DOCK1: variants seen among roughly 807,000 people sequenced by gnomAD.
The protein encoded by DOCK1 is dedicator of cytokinesis protein 1.
DOCK1 carries 138 observed loss-of-function variants against 262.7 expected under a neutral mutation model. That is an observed-to-expected ratio of 0.53 (90% CI 0.46 to 0.61). DOCK1 has a LOEUF of 0.61. DOCK1 is among the 20% of genes least tolerant of loss of function. The pLI, the probability that DOCK1 is intolerant of heterozygous loss-of-function variation, is 0.00. For missense variants in DOCK1, 1,908 were observed against 2,370.7 expected (o/e 0.80, Z 4.05); for synonymous variants, 866 against 867.4 (o/e 1.00, Z 0.03).
At chr10:127,120,018 T>C (rs1363133560) in intron 25 of DOCK1, among the ~76,000 whole-genome samples, 2 of 152,248 alleles carry the variant, frequency 1.3e-5, no homozygotes, top group Non-Finnish European at 2.9e-5. Flanking sequence ...TCTGTAATCA[T>C]TGTGGATCAC....
chr10:127,377,984 G>C (rs572313973), intron 35 of DOCK1, among the ~76,000 whole-genome samples: 2 of 152,000 alleles, frequency 1.3e-5, no homozygotes, highest in Non-Finnish European at 2.9e-5. Flanking sequence ...GACATCTCCT[G>C]CAAGGATGTC....
At chr10:126,998,317 C>G in intron 8 of DOCK1, 68 bp downstream of exon 8, 1 of 1,593,302 alleles carries the variant, frequency 6.3e-7, no homozygotes, top group Non-Finnish European at 8.6e-7. Flanking sequence ...ATCAGAACCA[C>G]TGAAGCGTCC....
intron 29 of DOCK1, chr10:127,272,049 G>A (rs2498946): frequency 0.33 from 49,711 of 152,124 alleles, 8,764 homozygotes; most frequent in South Asian, 0.54. Flanking sequence ...ACTGCAGGAG[G>A]ATGGAGGAAG....
chr10:127,371,293 T>C (rs2065194777), intron 33 of DOCK1, among the ~76,000 whole-genome samples: 2 of 152,262 alleles, frequency 1.3e-5, no homozygotes, highest in South Asian at 4.1e-4. Context: ...CAGGTGTTTG[T>C]GTAAATTACT....
intron 27 of DOCK1, among the ~76,000 whole-genome samples, chr10:127,143,394 C>T (rs921665874): frequency 6.6e-6 from 1 of 152,164 alleles, no homozygotes; most frequent in African/African-American, 2.4e-5. Context: ...CAGTGCTAAC[C>T]GTGGCTCTGT....
chr10:127,129,838 A>G (rs2050201514), intron 27 of DOCK1, among the ~76,000 whole-genome samples: 1 of 152,100 alleles, frequency 6.6e-6, no homozygotes, highest in Admixed American at 6.5e-5. Context: ...GGGAGAGGGT[A>G]GAAGTGGAGG....
intron 43 of DOCK1, among the ~76,000 whole-genome samples, chr10:127,413,273 T>G (rs1440968668): frequency 6.6e-6 from 1 of 152,174 alleles, no homozygotes; most frequent in African/African-American, 2.4e-5. Context: ...TCTTGACATT[T>G]TGAGCTATGC....
At chr10:127,214,053 T>C (rs549728998) in intron 27 of DOCK1, among the ~76,000 whole-genome samples, 1 of 152,180 alleles carries the variant, frequency 6.6e-6, no homozygotes, top group Non-Finnish European at 1.5e-5. Context: ...TTCACTATGT[T>C]AGCCAGGATG....
At chr10:127,116,401 A>G (rs1013732743) in intron 25 of DOCK1, among the ~76,000 whole-genome samples, 1 of 152,180 alleles carries the variant, frequency 6.6e-6, no homozygotes. Context: ...AATGGTGGAA[A>G]CATTAGTTAC....
chr10:127,440,168 TG>T (rs2070005796), intron 49 of DOCK1, among the ~76,000 whole-genome samples: 1 of 73,376 alleles, frequency 1.4e-5, no homozygotes, highest in Non-Finnish European at 2.6e-5. Context: ...GGGTGGGGGG[TG>T]GGGGGTGTGT....
At chr10:127,259,699 G>T (rs1201772904) in intron 29 of DOCK1, among the ~76,000 whole-genome samples, 1 of 152,292 alleles carries the variant, frequency 6.6e-6, no homozygotes, top group South Asian at 2.1e-4. Context: ...AAGGTCAGGC[G>T]GGATGGGCTC....
intron 29 of DOCK1, among the ~76,000 whole-genome samples, chr10:127,280,923 G>A (rs1446512950): frequency 1.3e-5 from 2 of 152,102 alleles, no homozygotes; most frequent in Admixed American, 1.3e-4. Flanking sequence ...TCAGCCCATG[G>A]TCCATATTTT....
intron 1 of DOCK1, among the ~76,000 whole-genome samples, 155 bp downstream of exon 1, chr10:126,905,718 C>T (rs553500093): frequency 1.1e-3 from 157 of 146,660 alleles, no homozygotes; most frequent in Non-Finnish European, 1.6e-3. Context: ...TCGCAATGCC[C>T]GGCGACCCCG....
chr10:127,195,523 T>C (rs1261973194), intron 27 of DOCK1, among the ~76,000 whole-genome samples: 6 of 148,158 alleles, frequency 4.0e-5, no homozygotes, highest in Admixed American at 6.7e-5. Flanking sequence ...TTCCAACTCA[T>C]CCCCCCCCCG....
intron 11 of DOCK1, among the ~76,000 whole-genome samples, chr10:127,010,161 T>C (rs1033648643): frequency 6.6e-6 from 1 of 152,210 alleles, no homozygotes; most frequent in South Asian, 2.1e-4. Context: ...TAGCTCCATG[T>C]GGCTATTTAA....
At chr10:127,401,940 C>T (rs1319197373) in intron 38 of DOCK1, among the ~76,000 whole-genome samples, 6 of 152,156 alleles carry the variant, frequency 3.9e-5, no homozygotes, top group Non-Finnish European at 7.3e-5. Flanking sequence ...TCTAGATTCG[C>T]GGCCTAGAAA....
At chr10:127,063,304 C>T (rs2045655735) in intron 23 of DOCK1, among the ~76,000 whole-genome samples, 1 of 152,098 alleles carries the variant, frequency 6.6e-6, no homozygotes, top group Non-Finnish European at 1.5e-5. Context: ...TAAAGCTTTG[C>T]CATATGCCCT....
chr10:127,448,568 G>A lies in DOCK1; in HGVS notation c.5565+1023G>A, dbSNP rs74648486. On this transcript the variant is annotated intron_variant, in intron 51 of 51. Coordinates refer to ENST00000623213, the MANE Select transcript of DOCK1 (RefSeq NM_001290223.2). ...GGCGAGCGATTGACTCAGCCACGGC[G>A]GGAACTTCTGCTTCTAGGCTCAGGC... Among the ~76,000 whole-genome samples, 1,506 of 152,260 alleles carry A rather than the reference G, an allele frequency of 9.9e-3. 30 individuals carry two copies. Among genetic ancestry groups the A allele is most frequent in the African/African-American group, 0.034 (1,409 of 41,546 alleles).
rs2040116308 is a variant in DOCK1 at position 126,995,437 on chromosome 10, G to C, written c.474-1311G>C. The stretch of plus-strand genomic sequence containing the variant: ...GCAGATCACTCACGGTCAGGAGCTG[G>C]AGACCAGCCGGGCCAACCCGGTGAA... On this transcript the variant is annotated intron_variant, in intron 6 of 51. Coordinates refer to ENST00000623213, the MANE Select transcript of DOCK1 (RefSeq NM_001290223.2). This position sits in a 1 kb window ranked among gnomAD's most constrained non-coding sequence, Gnocchi z 5.8. Among the ~76,000 whole-genome samples the C allele has an allele frequency of 6.6e-6, 1 of 152,190 alleles. No homozygotes were observed. Among genetic ancestry groups the C allele is most frequent in the African/African-American group, 2.4e-5 (1 of 41,452 alleles).
Sources: allele counts gnomAD v4.1 joint callset (sites outside exome capture counted in the v4.1 genomes callset), GRCh38; gene constraint gnomAD v4.1.1; non-coding constraint Gnocchi (gnomAD v3.1); transcripts MANE v1.5; gene names NCBI Gene and HGNC (gene_info 2026-07-23, HGNC 2026-07-21).